Variants in FRMPD4 observed in about 807,000 individuals in gnomAD.
FRMPD4 encodes FERM and PDZ domain-containing protein 4.
Under a neutral mutation model 94.1 loss-of-function variants are expected in FRMPD4, and 22 were observed. That is an observed-to-expected ratio of 0.23 (90% CI 0.17 to 0.33). FRMPD4 has a LOEUF of 0.33. Among genes scored for constraint, FRMPD4 ranks in the 10% least tolerant of loss-of-function variants. The pLI is 1.00. For synonymous variants in FRMPD4, 631 were observed against 548.6 expected (o/e 1.15, Z -2.10); for missense variants, 1,111 against 1,339.9 (o/e 0.83, Z 2.67).
chrX:12,548,806 G>A (rs1297924730), intron 2 of FRMPD4, among the ~76,000 whole-genome samples: 15 of 111,793 alleles, frequency 1.3e-4, no homozygotes. Context: ...AATCAAGTCA[G>A]GCCACACATG....
At chrX:12,535,786 C>A (rs1353509847) in intron 2 of FRMPD4, among the ~76,000 whole-genome samples, 3 of 111,361 alleles carry the variant, frequency 2.7e-5, no homozygotes, top group Non-Finnish European at 5.6e-5. Flanking sequence ...TTGGTTACAA[C>A]ATAGACCATA....
chrX:12,081,621 C>G (rs1399163181), intron 3 of FRMPD4, among the ~76,000 whole-genome samples: 1 of 111,565 alleles, frequency 9.0e-6, no homozygotes, highest in Non-Finnish European at 1.9e-5. Context: ...TTTTAGAATA[C>G]TAGTTTCTTC....
chrX:11,950,654 T>C (rs909249131), intron 3 of FRMPD4, among the ~76,000 whole-genome samples: 28 of 111,944 alleles, frequency 2.5e-4, no homozygotes, highest in Non-Finnish European at 5.3e-4. Flanking sequence ...TTTTAAAACA[T>C]ACATGCAGCC....
intron 1 of FRMPD4, among the ~76,000 whole-genome samples, chrX:12,310,786 C>A (rs1178185776): frequency 8.9e-6 from 1 of 112,049 alleles, no homozygotes; most frequent in Non-Finnish European, 1.9e-5. Flanking sequence ...GCAAGAAAAT[C>A]AATGATTAAA....
At chrX:12,371,423 A>T (rs1340259436) in intron 1 of FRMPD4, among the ~76,000 whole-genome samples, 1 of 112,525 alleles carries the variant, frequency 8.9e-6, no homozygotes, top group Non-Finnish European at 1.9e-5. Context: ...TGGGGAGTAG[A>T]GGGGGAATGT....
At chrX:12,236,964 G>A (rs2057077502) in intron 1 of FRMPD4, among the ~76,000 whole-genome samples, 1 of 111,782 alleles carries the variant, frequency 8.9e-6, no homozygotes, top group Non-Finnish European at 1.9e-5. Flanking sequence ...TAAAGGATAA[G>A]GATGCAGCTA....
At chrX:12,681,786 T>G (rs890914827) in intron 5 of FRMPD4, among the ~76,000 whole-genome samples, 4 of 111,406 alleles carry the variant, frequency 3.6e-5, no homozygotes, top group African/African-American at 1.3e-4. Context: ...TTTATTACAG[T>G]AAAATACACA....
chrX:12,129,666 G>T (rs898650327), intron 3 of FRMPD4, among the ~76,000 whole-genome samples: 1 of 111,871 alleles, frequency 8.9e-6, no homozygotes, highest in Non-Finnish European at 1.9e-5. Flanking sequence ...TGCTGAGTGA[G>T]GTAGCTCTGC....
intron 1 of FRMPD4, among the ~76,000 whole-genome samples, chrX:12,309,575 T>G (rs2054998571): frequency 9.0e-6 from 1 of 111,452 alleles, no homozygotes. Context: ...TGCAGACTTC[T>G]GCACAGTGAT....
At chrX:12,251,560 T>G (rs931377936) in intron 1 of FRMPD4, among the ~76,000 whole-genome samples, 1 of 111,915 alleles carries the variant, frequency 8.9e-6, no homozygotes, top group African/African-American at 3.2e-5. Context: ...GCTACCCCTA[T>G]GAGACATTTC....
chrX:12,593,558 T>C (rs2059002262), intron 2 of FRMPD4, among the ~76,000 whole-genome samples: 1 of 112,221 alleles, frequency 8.9e-6, no homozygotes, highest in Non-Finnish European at 1.9e-5. Flanking sequence ...TAGAAATTCC[T>C]ATCAATTGTT....
intron 1 of FRMPD4, among the ~76,000 whole-genome samples, chrX:12,467,350 C>G (rs775256906): frequency 1.2e-4 from 13 of 111,892 alleles, no homozygotes; most frequent in African/African-American, 3.2e-4. Context: ...CAGCTGAAGA[C>G]TGGATTTCTC....
At chrX:12,376,646 G>GACAC (rs112007203) in intron 1 of FRMPD4, among the ~76,000 whole-genome samples, 114 of 110,127 alleles carry the variant, frequency 1.0e-3, no homozygotes, top group African/African-American at 2.7e-3. Flanking sequence ...CGTGCATGTG[G>GACAC]ACACACACAC....
intron 1 of FRMPD4, among the ~76,000 whole-genome samples, chrX:12,184,725 C>G (rs1460256171): frequency 9.0e-6 from 1 of 111,549 alleles, no homozygotes; most frequent in Non-Finnish European, 1.9e-5. Context: ...AAGCCAGACA[C>G]AGAAACACAA....
chrX:11,995,486 T>A (rs987679187), intron 3 of FRMPD4, among the ~76,000 whole-genome samples: 2 of 111,572 alleles, frequency 1.8e-5, no homozygotes, highest in African/African-American at 3.3e-5. Context: ...GTAAATAGAG[T>A]TTAATCTTCA....
chrX:12,184,015 T>C (rs185925633), intron 1 of FRMPD4, among the ~76,000 whole-genome samples: 3 of 110,310 alleles, frequency 2.7e-5, no homozygotes, highest in African/African-American at 9.9e-5. Context: ...TTTCCAATGA[T>C]TTTTAATTAT....
At chrX:12,360,744 C>G (rs949117258) in intron 1 of FRMPD4, among the ~76,000 whole-genome samples, 5 of 111,630 alleles carry the variant, frequency 4.5e-5, no homozygotes, top group Non-Finnish European at 3.8e-5. Context: ...GCTACATGTT[C>G]CTCCATAGAG....
intron 3 of FRMPD4, among the ~76,000 whole-genome samples, chrX:12,053,481 AAAG>A (rs1301618036): frequency 2.7e-5 from 3 of 109,545 alleles, no homozygotes; most frequent in Non-Finnish European, 5.7e-5. Context: ...AGGAGGAAGG[AAAG>A]AAGAAGGAAA....
At chrX:11,882,603 A>G (rs1415641954) in intron 3 of FRMPD4, among the ~76,000 whole-genome samples, 2 of 111,853 alleles carry the variant, frequency 1.8e-5, no homozygotes, top group African/African-American at 6.5e-5. Flanking sequence ...TATTAAAAAT[A>G]TTGTGTAAAA....
Sources: allele counts gnomAD v4.1 joint callset (sites outside exome capture counted in the v4.1 genomes callset), GRCh38; gene constraint gnomAD v4.1.1; transcripts MANE v1.5; gene names NCBI Gene and HGNC (gene_info 2026-07-23, HGNC 2026-07-21).